The following TMOD1 variants were observed in gnomAD, a reference collection of about 807,000 sequenced individuals.
The protein encoded by TMOD1 is tropomodulin 1.
A neutral mutation model predicts 40.6 loss-of-function variants in TMOD1; 17 were observed. The observed-to-expected ratio is 0.42, with a 90% CI of 0.29 to 0.63. The LOEUF is 0.63. Among genes scored for constraint, TMOD1 ranks in the 20% least tolerant of loss-of-function variants. TMOD1 has a pLI of 0.22. For synonymous variants in TMOD1, 181 were observed against 175.0 expected, an observed-to-expected ratio of 1.03 and a Z score of -0.27; for missense variants, 391 against 447.6, an observed-to-expected ratio of 0.87 and a Z score of 1.14.
At chr9:97,576,245 A>G (rs1008985793) in intron 8 of TMOD1, among the ~76,000 whole-genome samples, 4 of 152,198 alleles carry the variant, frequency 2.6e-5, no homozygotes, top group African/African-American at 9.7e-5. Flanking sequence ...GTTCAAGACC[A>G]GCCTGGTCAA....
At chr9:97,570,555 C>T (rs955406319) in intron 8 of TMOD1, among the ~76,000 whole-genome samples, 1 of 151,914 alleles carries the variant, frequency 6.6e-6, no homozygotes, top group Non-Finnish European at 1.5e-5. Flanking sequence ...CAGGTTACTA[C>T]TGTCTTCTCC....
chr9:97,551,016 T>A (rs7025664), intron 3 of TMOD1, among the ~76,000 whole-genome samples: 109 of 5,406 alleles, frequency 0.02, no homozygotes, highest in African/African-American at 0.033. Context: ...ATATATATAT[T>A]TTTTTTTTTT....
chr9:97,507,232 A>T lies in TMOD1; in HGVS notation c.-49+5429A>T, dbSNP rs572519532. On this transcript the variant is annotated intron_variant, in intron 1 of 9. Coordinates refer to ENST00000259365, the MANE Select transcript of TMOD1 (RefSeq NM_003275.4). ...TGGGCAGTGCTGGGATGGGAACCTGAGACACCTGAGACCCTGAGACATCAA... is the reference window on the plus strand; with the variant it reads ...TGGGCAGTGCTGGGATGGGAACCTGTGACACCTGAGACCCTGAGACATCAA... Among the ~76,000 whole-genome samples, 11 of 152,352 alleles carry T rather than the reference A, an allele frequency of 7.2e-5. No homozygotes were observed. In the East Asian group the frequency reaches 2.1e-3, roughly 29 times the overall value.
At chr9:97,531,450 A>G (rs1436514105) in intron 2 of TMOD1, among the ~76,000 whole-genome samples, 1 of 152,070 alleles carries the variant, frequency 6.6e-6, no homozygotes, top group Non-Finnish European at 1.5e-5. Flanking sequence ...ATCTCTACTT[A>G]AAATACAAAA....
intron 3 of TMOD1, among the ~76,000 whole-genome samples, chr9:97,548,933 C>T (rs1830408580): frequency 6.6e-6 from 1 of 152,156 alleles, no homozygotes; most frequent in African/African-American, 2.4e-5. Flanking sequence ...CCATTCACTC[C>T]AGCCTCTACC....
chr9:97,574,369 A>T (rs1391254109), intron 8 of TMOD1, among the ~76,000 whole-genome samples: 2 of 152,160 alleles, frequency 1.3e-5, no homozygotes, highest in East Asian at 3.8e-4. Flanking sequence ...CTGGGCCAGC[A>T]GCTGCTGTGC....
chr9:97,537,551 C>T (rs181420608), intron 2 of TMOD1, among the ~76,000 whole-genome samples: 5 of 152,344 alleles, frequency 3.3e-5, no homozygotes, highest in African/African-American at 1.2e-4. Flanking sequence ...CTTTGAACAA[C>T]TGGACTCCAG....
At chr9:97,542,184 G>T (rs544039673) in intron 2 of TMOD1, among the ~76,000 whole-genome samples, 2 of 152,148 alleles carry the variant, frequency 1.3e-5, no homozygotes, top group Admixed American at 6.5e-5. Context: ...TTTTGAAAAC[G>T]AGTTAAAGTG....
At chr9:97,552,068 G>GT (rs1272689529) in intron 3 of TMOD1, among the ~76,000 whole-genome samples, 2 of 152,058 alleles carry the variant, frequency 1.3e-5, no homozygotes, top group South Asian at 2.1e-4. Context: ...GTTCTAATAG[G>GT]TTTTTTTGTG....
chr9:97,529,149 T>C (rs1422422127), intron 2 of TMOD1, among the ~76,000 whole-genome samples: 1 of 152,208 alleles, frequency 6.6e-6, no homozygotes, highest in Non-Finnish European at 1.5e-5. Flanking sequence ...ACTGCAGATG[T>C]GCTCTGGTTT....
intron 1 of TMOD1, among the ~76,000 whole-genome samples, chr9:97,510,293 C>T (rs1299466949): frequency 6.6e-6 from 1 of 151,940 alleles, no homozygotes; most frequent in Middle Eastern, 3.2e-3. Flanking sequence ...TACAGTGACA[C>T]AGTCTCGGCT....
chr9:97,514,562 G>A (rs1300994817), intron 1 of TMOD1, among the ~76,000 whole-genome samples: 2 of 152,144 alleles, frequency 1.3e-5, no homozygotes, highest in African/African-American at 4.8e-5. Context: ...TTGGACTAGA[G>A]CTCCCTCGCC....
rs1830716600 is a variant in TMOD1, at chr9:97,565,708, C to T, written c.619-140C>T. ...CTCCCCAGATTTCAGTCGTCCGGGA[C>T]AAAGCCTAAACCTTTTGCCCATTCA... On this transcript the variant is annotated intron_variant, in intron 6 of 9. Coordinates refer to ENST00000259365, the MANE Select transcript of TMOD1 (RefSeq NM_003275.4). 1.5e-5 allele frequency: 10 copies of T among 655,332 alleles called. No individual in the cohort carries two copies. In the South Asian group the frequency reaches 2.1e-4, roughly 14 times the overall value. The allele number at this position is 655,332 out of a possible 1,614,324, so 40.6% of individuals were successfully genotyped here.
intron 1 of TMOD1, among the ~76,000 whole-genome samples, chr9:97,512,068 A>G (rs182062661): frequency 1.3e-5 from 2 of 152,258 alleles, no homozygotes; most frequent in African/African-American, 2.4e-5. Flanking sequence ...TGGTCCTTCA[A>G]CTGTTCTTCA....
chr9:97,526,207 C>A (rs1469944856), intron 2 of TMOD1, among the ~76,000 whole-genome samples: 2 of 152,200 alleles, frequency 1.3e-5, no homozygotes, highest in Non-Finnish European at 2.9e-5. Context: ...AATGAATGAG[C>A]TGAGAAATAA....
In TMOD1 at chr9:97,524,229, A is replaced by C; in HGVS notation, c.41A>C (p.Asp14Ala). The stretch of plus-strand genomic sequence containing the variant: ...GAACTAGAGAAATACCGTGACCTGG[A>C]TGAAGATGAAATCCTTGGAGCCCTA... ...RRELEKYRDL[D>A]EDEILGALTE... The change falls in exon 2 of 10, where the codon GAT becomes GCT. Residue 14 changes from aspartate (D) to alanine (A), a missense_variant. Transcript: ENST00000259365. The C allele has an allele frequency of 6.2e-7, 1 of 1,614,176 alleles. No individual in the cohort carries two copies. The highest frequency in any genetic ancestry group is 8.5e-7 in the Non-Finnish European group (1 of 1,180,022).
At chr9:97,501,388 C>T (rs1447810511), upstream of TMOD1, 1 of 152,286 alleles carries the variant, frequency 6.6e-6, no homozygotes, top group Non-Finnish European at 1.5e-5. Context: ...TCCCACATAA[C>T]TCTACCGTCG....
rs1829741363 is a variant in TMOD1 at position 97,513,492 on chromosome 9, A to G, written c.-48-10649A>G. ...TGGGGCCTCACCTGTAAAGGAAACTAAGGGCCCAGGGCATCTGTTCTGCTC... is the reference window on the plus strand; with the variant it reads ...TGGGGCCTCACCTGTAAAGGAAACTGAGGGCCCAGGGCATCTGTTCTGCTC... On this transcript the variant is annotated intron_variant, in intron 1 of 9. Coordinates refer to ENST00000259365, the MANE Select transcript of TMOD1 (RefSeq NM_003275.4). This position sits in a 1 kb window ranked among gnomAD's most constrained non-coding sequence, Gnocchi z 4.1. Among the ~76,000 whole-genome samples, 1 of 152,152 alleles carries G rather than the reference A, an allele frequency of 6.6e-6. No homozygotes were observed. The highest frequency in any genetic ancestry group is 2.1e-4 in the South Asian group (1 of 4,830).
intron 1 of TMOD1, among the ~76,000 whole-genome samples, chr9:97,515,131 G>A (rs1829782704): frequency 6.8e-6 from 1 of 147,726 alleles, no homozygotes; most frequent in Non-Finnish European, 1.5e-5. Flanking sequence ...GAGTCCAGGA[G>A]TTTGAAACCA....
Sources: allele counts gnomAD v4.1 joint callset (sites outside exome capture counted in the v4.1 genomes callset), GRCh38; gene constraint gnomAD v4.1.1; non-coding constraint Gnocchi (gnomAD v3.1); transcripts MANE v1.5; gene names NCBI Gene and HGNC (gene_info 2026-07-23, HGNC 2026-07-21).